Variants in NT5DC3 observed in about 807,000 individuals in gnomAD.
The protein encoded by NT5DC3 is 5'-nucleotidase domain containing 3.
A neutral mutation model predicts 67.8 loss-of-function variants in NT5DC3; 42 were observed. The observed-to-expected ratio is 0.62, with a 90% CI of 0.48 to 0.80. NT5DC3 has a LOEUF of 0.80. NT5DC3 is among the 30% of genes least tolerant of loss of function. The probability of loss-of-function intolerance (pLI) is 0.00; values close to 1 mark genes in which losing one functional copy is unlikely to be tolerated. For missense variants in NT5DC3, 570 were observed against 696.4 expected, an observed-to-expected ratio of 0.82 and a Z score of 2.04; for synonymous variants, 237 against 255.6, an observed-to-expected ratio of 0.93 and a Z score of 0.69.
rs749973950 is a variant in NT5DC3 at position 103,787,507 on chromosome 12, CA to C, written c.1121del (p.Leu374Ter). The stretch of plus-strand genomic sequence containing the variant: ...TGGATCCTCTCCATCCAGTAAGCTT[CA>C]AAAATTCATATAAATTACCCTGTAA... Reference protein sequence around the residue: ...IYKQGNLYEFLKLTGWRGSRV... With the variant: ...IYKQGNLYEFXKLTGWRGSRV... On this transcript the variant is annotated frameshift_variant, in exon 11 of 14. Coordinates refer to ENST00000392876, the MANE Select transcript of NT5DC3 (RefSeq NM_001031701.3). LOFTEE classifies it high-confidence loss of function. 1.3e-6 allele frequency: 2 copies of C among 1,595,542 alleles called. No individual in the cohort carries two copies. Among genetic ancestry groups the C allele is most frequent in the South Asian group, 1.1e-5 (1 of 88,248 alleles).
downstream of NT5DC3, chr12:103,771,474 C>G (rs1290331672): frequency 6.6e-6 from 1 of 152,214 alleles, no homozygotes; most frequent in Admixed American, 6.5e-5. Flanking sequence ...GGGGACCATG[C>G]TTCAGTGTAC....
the NT5DC3 span, among the ~76,000 whole-genome samples, chr12:103,757,411 A>G: frequency 6.6e-6 from 1 of 152,232 alleles, no homozygotes; most frequent in South Asian, 2.1e-4. Flanking sequence ...TTTAGCACTT[A>G]CCATGTGCTT....
At chr12:103,755,723 G>A in the NT5DC3 span, 2 of 1,614,010 alleles carry the variant, frequency 1.2e-6, no homozygotes, top group Non-Finnish European at 1.7e-6. Flanking sequence ...CTGACGGTAT[G>A]TACCATGTCT....
At position 103,777,587 on chromosome 12, in the gene NT5DC3, A is replaced by C. The variant is rs1418894656; in HGVS notation, c.*242T>G. ...TGTTCCAGGACCTCAGTAAACAAAA[A>C]GGCAAAATCAGAGTTCCAATGTGAA... On this transcript the variant is annotated 3_prime_UTR_variant, in exon 14 of 14. Coordinates refer to ENST00000392876, the MANE Select transcript of NT5DC3 (RefSeq NM_001031701.3). The C allele has an allele frequency of 1.9e-6, 1 of 528,696 alleles. No individual in the cohort carries two copies. Among genetic ancestry groups the C allele is most frequent in the Non-Finnish European group, 3.3e-6 (1 of 303,510 alleles). The allele number at this position is 528,696 out of a possible 1,614,324, so 32.8% of individuals were successfully genotyped here. A position where few individuals can be genotyped will look rare whatever the true frequency, so the allele number is the denominator to read the frequency against.
chr12:103,758,390 T>C, the NT5DC3 span: 1 of 1,558,114 alleles, frequency 6.4e-7, no homozygotes, highest in Non-Finnish European at 8.7e-7. Context: ...GGCTACACAT[T>C]TATTTAGCTC....
At chr12:103,753,544 C>T in the NT5DC3 span, among the ~76,000 whole-genome samples, 1 of 152,152 alleles carries the variant, frequency 6.6e-6, no homozygotes, top group Admixed American at 6.6e-5. Context: ...GTGCAGGGTA[C>T]TTCGTGGATA....
the NT5DC3 span, chr12:103,746,630 C>A: frequency 6.2e-7 from 1 of 1,614,104 alleles, no homozygotes; most frequent in East Asian, 2.2e-5. Flanking sequence ...CCTTGTTCTG[C>A]TCATGCCACC....
intron 2 of NT5DC3, among the ~76,000 whole-genome samples, chr12:103,811,304 C>G (rs1256913004): frequency 6.6e-6 from 1 of 152,034 alleles, no homozygotes; most frequent in Non-Finnish European, 1.5e-5. Flanking sequence ...GGAAGCAAGC[C>G]GGGAGCAAGC....
chr12:103,785,349 A>G lies in NT5DC3; in HGVS notation c.1315T>C (p.Leu439=), dbSNP rs1463932743. 1 of 1,614,186 alleles carries G rather than the reference A, an allele frequency of 6.2e-7. No individual in the cohort carries two copies. The highest frequency in any genetic ancestry group is 8.5e-7 in the Non-Finnish European group (1 of 1,180,014). The stretch of plus-strand genomic sequence containing the variant: ...TATATCCAAACCTGCATCTGTTCCA[A>G]TAAGCCAGTCAAGGTCTGCAGCCAG... ...MTWLQTLTGL[L]EQMQVHRDAE... is the part of the protein sequence containing the mutation. The change falls in exon 12 of 14, where the codon TTG becomes CTG. Residue 439 remains leucine, a synonymous_variant. Coordinates refer to ENST00000392876, the MANE Select transcript of NT5DC3 (RefSeq NM_001031701.3).
At chr12:103,746,821 C>T in the NT5DC3 span, 5 of 899,302 alleles carry the variant, frequency 5.6e-6, no homozygotes, top group Non-Finnish European at 9.1e-6. Flanking sequence ...ACTTCAGCAG[C>T]ACCTACCCTC....
At chr12:103,763,174 G>A in the NT5DC3 span, 1 of 267,046 alleles carries the variant, frequency 3.7e-6, no homozygotes, top group African/African-American at 2.2e-5. Context: ...CCACTTCAGG[G>A]TGATGGGAGT....
chr12:103,755,348 T>A, the NT5DC3 span: 1 of 1,614,014 alleles, frequency 6.2e-7, no homozygotes, highest in Non-Finnish European at 8.5e-7. Context: ...ACCGGGCGGG[T>A]TGCCTACCCC....
chr12:103,750,283 G>A, the NT5DC3 span, among the ~76,000 whole-genome samples: 1 of 152,212 alleles, frequency 6.6e-6, no homozygotes, highest in African/African-American at 2.4e-5. Context: ...AAGGAGCCCT[G>A]TGAAGAACAT....
At chr12:103,816,570 A>G (rs1887261982) in intron 1 of NT5DC3, among the ~76,000 whole-genome samples, 1 of 152,136 alleles carries the variant, frequency 6.6e-6, no homozygotes, top group Non-Finnish European at 1.5e-5. Flanking sequence ...AGTTCTAACT[A>G]TTTGTAAGGA....
At chr12:103,793,304 G>T in intron 8 of NT5DC3, 39 bp from the exon 9 acceptor site, 1 of 1,559,272 alleles carries the variant, frequency 6.4e-7, no homozygotes, top group South Asian at 1.1e-5. Flanking sequence ...TAACATTAAA[G>T]AGATTAACTG....
chr12:103,763,597 G>T, the NT5DC3 span: 1 of 1,613,862 alleles, frequency 6.2e-7, no homozygotes, highest in Non-Finnish European at 8.5e-7. Context: ...ACCTTCCTAC[G>T]ACCCCTTCAC....
chr12:103,789,684 A>C (rs1441391647), intron 9 of NT5DC3, among the ~76,000 whole-genome samples: 1 of 152,182 alleles, frequency 6.6e-6, no homozygotes, highest in Non-Finnish European at 1.5e-5. Flanking sequence ...CAGATAAAAA[A>C]CAAATCAGAA....
At chr12:103,749,841 C>CAAAAAAAAAAAAAAAAAAAAAAAAA in the NT5DC3 span, among the ~76,000 whole-genome samples, 1 of 51,152 alleles carries the variant, frequency 2.0e-5, no homozygotes, top group African/African-American at 7.1e-5. Context: ...CTCTGTCTCA[C>CAAAAAAAAAAAAAAAAAAAAAAAAA]AAAAAAAAAA....
chr12:103,751,428 G>C, the NT5DC3 span, among the ~76,000 whole-genome samples: 1 of 152,146 alleles, frequency 6.6e-6, no homozygotes, highest in African/African-American at 2.4e-5. Context: ...ATAGAGAAAA[G>C]GAAAGGCTCA....
Sources: gnomAD v4.1 joint callset for allele counts (sites outside exome capture counted in the v4.1 genomes callset) on GRCh38, gnomAD v4.1.1 for gene constraint, MANE v1.5 for transcripts, NCBI Gene and HGNC (gene_info 2026-07-23, HGNC 2026-07-21) for gene names.